Variants in TMPRSS6 observed in about 807,000 individuals in gnomAD.
The protein encoded by TMPRSS6 is transmembrane protease serine 6.
A neutral mutation model predicts 101.5 loss-of-function variants in TMPRSS6; 67 were observed. That is an observed-to-expected ratio of 0.66 (90% CI 0.54 to 0.81). The LOEUF (loss-of-function observed/expected upper bound fraction) is 0.81. Among genes scored for constraint, TMPRSS6 ranks in the 30% least tolerant of loss-of-function variants. The pLI is 0.00. For missense variants in TMPRSS6, 1,034 were observed against 1,088.7 expected, an observed-to-expected ratio of 0.95 and a Z score of 0.71; for synonymous variants, 453 against 464.9, an observed-to-expected ratio of 0.97 and a Z score of 0.33.
intron 6 of TMPRSS6, among the ~76,000 whole-genome samples, chr22:37,094,019 T>TTATATATA (rs56784584): frequency 2.7e-5 from 4 of 149,872 alleles, no homozygotes; most frequent in African/African-American, 9.8e-5. Context: ...TGAGACTCTG[T>TTATATATA]TATATATATA....
chr22:37,066,055 C>T lies in TMPRSS6; in HGVS notation c.*25G>A, dbSNP rs1926246175. On this transcript the variant is annotated 3_prime_UTR_variant, in exon 18 of 18. Transcript: ENST00000676104. ...GGGCTCTCTGAGTCCAGGAGGTGGG[C>T]CCTGCTTTGCAGGGGGGCAGTTCCT... The T allele has an allele frequency of 6.2e-7, 1 of 1,613,188 alleles. No individual in the cohort carries two copies. Among genetic ancestry groups the T allele is most frequent in the Non-Finnish European group, 8.5e-7 (1 of 1,179,934 alleles).
chr22:37,095,525 G>T, intron 6 of TMPRSS6, 26 bp downstream of exon 6: 1 of 1,611,710 alleles, frequency 6.2e-7, no homozygotes, highest in Non-Finnish European at 8.5e-7. Flanking sequence ...AAAGGAAAAT[G>T]GGGAGGGGAA....
intron 2 of TMPRSS6, among the ~76,000 whole-genome samples, chr22:37,098,924 C>T (rs147649994): frequency 1.4e-4 from 22 of 152,326 alleles, no homozygotes; most frequent in African/African-American, 5.1e-4. Flanking sequence ...TCCTTCCACT[C>T]GTGAGGTCAC....
chr22:37,069,237 T>C lies in TMPRSS6; in HGVS notation c.1949A>G (p.Tyr650Cys). Reference sequence around the variant, plus strand: ...GTAGTCATGGCTGTCCTCTTCGTGGTACGGGTGCAGGAGCAGGCGGCTCAC... The same window carrying C: ...GTAGTCATGGCTGTCCTCTTCGTGGCACGGGTGCAGGAGCAGGCGGCTCAC... ...FKVSRLLLHP[Y>C]HEEDSHDYDV... The change falls in exon 16 of 18, where the codon TAC becomes TGC. Residue 650 changes from tyrosine (Y) to cysteine (C), a missense_variant. Transcript: ENST00000676104. This position sits in a 1 kb window ranked among gnomAD's most constrained non-coding sequence, Gnocchi z 4.8. The C allele has an allele frequency of 6.2e-7, 1 of 1,610,908 alleles. No individual in the cohort carries two copies. Among genetic ancestry groups the C allele is most frequent in the Non-Finnish European group, 8.5e-7 (1 of 1,179,290 alleles).
At chr22:37,094,568 G>GATAGATAC (rs1209132113) in intron 6 of TMPRSS6, among the ~76,000 whole-genome samples, 1 of 151,872 alleles carries the variant, frequency 6.6e-6, no homozygotes, top group East Asian at 1.9e-4. Context: ...TAGATAGATA[G>GATAGATAC]ACAAATAGAT....
In TMPRSS6 at chr22:37,084,378, G is replaced by A; in HGVS notation, c.1113C>T (p.Ala371=). 1 of 1,612,872 alleles carries A rather than the reference G, an allele frequency of 6.2e-7. No homozygotes were observed. Among genetic ancestry groups the A allele is most frequent in the Non-Finnish European group, 8.5e-7 (1 of 1,179,440 alleles). The stretch of plus-strand genomic sequence containing the variant: ...TCAGTGCATAGGCATCAAACCAGAG[G>A]GCCAAGCCGTAGTCCAGAGAGGGCA... The part of the protein sequence containing the change: ...LTVPSLDYGL[A]LWFDAYALRR... Residue 371 remains alanine (A), a synonymous_variant, in exon 10 of 18, where the codon GCC becomes GCT. Transcript: ENST00000676104.
chr22:37,070,822 C>A, intron 14 of TMPRSS6, 94 bp downstream of exon 14: 1 of 1,388,852 alleles, frequency 7.2e-7, no homozygotes, highest in South Asian at 1.2e-5. Context: ...TAGAGAGAGA[C>A]CAGGGGACAA....
rs530099528 is a variant in TMPRSS6, at chr22:37,067,467, CAAAAAAACA to C, written c.2114-514_2114-506del. ...GGGCAACAAGAGCGAAACTCTGTCT[CAAAAAAACA>C]AAAAAAAGAAAAAAGAAAAAAGCCC... is the stretch of plus-strand genomic sequence containing the variant. On this transcript the variant is annotated intron_variant, in intron 16 of 17. Transcript: ENST00000676104. 8.8e-3 allele frequency among the ~76,000 whole-genome samples: 1,338 copies of C among 151,500 alleles called. 15 individuals carry two copies. The highest frequency in any genetic ancestry group is 0.031 in the African/African-American group (1,263 of 41,294).
rs375396615 is a variant in TMPRSS6, at chr22:37,070,937, C to A, written c.1651G>T (p.Gly551Cys). The change falls in exon 14 of 18, where the codon GGC becomes TGC. Residue 551 changes from glycine (G) to cysteine (C), a missense_variant. Coordinates refer to ENST00000676104, the MANE Select transcript of TMPRSS6 (RefSeq NM_001374504.1). ...QCDGRPDCRD[G>C]SDEEHCDCGL... ...TCACCACAGTGCTCCTCATCCGAGCCGTCCCTGCAGTCGGGCCGCCCATCA... is the reference window on the plus strand; with the variant it reads ...TCACCACAGTGCTCCTCATCCGAGCAGTCCCTGCAGTCGGGCCGCCCATCA... The A allele has an allele frequency of 6.2e-7, 1 of 1,613,260 alleles. No homozygotes were observed. The highest frequency in any genetic ancestry group is 1.1e-5 in the South Asian group (1 of 91,078).
rs142505504 is a variant in TMPRSS6 at position 37,098,835 on chromosome 22, C to G, written c.203-286G>C. ...GGGAGAGGCTGACACAGTGACCAGT[C>G]CAGGACACCAATGACATGAAGGCCA... On this transcript the variant is annotated intron_variant, in intron 2 of 17. Transcript: ENST00000676104. Among the ~76,000 whole-genome samples, 126 of 152,244 alleles carry G rather than the reference C, an allele frequency of 8.3e-4. 1 individual carries two copies. Among genetic ancestry groups the G allele is most frequent in the Middle Eastern group, 6.8e-3 (2 of 294 alleles).
chr22:37,083,862 C>T (rs1204991870), intron 10 of TMPRSS6: 1 of 395,788 alleles, frequency 2.5e-6, no homozygotes, highest in Non-Finnish European at 4.5e-6. Flanking sequence ...GGCTGTGCAG[C>T]AGGGGTTCGT....
At chr22:37,096,162 G>T in intron 4 of TMPRSS6, 72 bp from the exon 5 acceptor site, 1 of 1,527,778 alleles carries the variant, frequency 6.5e-7, no homozygotes, top group Non-Finnish European at 9.0e-7. Flanking sequence ...CCCTGCTCAT[G>T]CACATCGAGC....
intron 1 of TMPRSS6, among the ~76,000 whole-genome samples, chr22:37,108,791 GGCAGA>G (rs1282319175): frequency 2.0e-5 from 3 of 152,118 alleles, no homozygotes; most frequent in Non-Finnish European, 2.9e-5. Flanking sequence ...CCTCAGCCAG[GGCAGA>G]GCAGAGCAGA....
At chr22:37,072,432 G>C (rs28972581) in intron 13 of TMPRSS6, among the ~76,000 whole-genome samples, 2 of 145,550 alleles carry the variant, frequency 1.4e-5, no homozygotes, top group East Asian at 2.2e-4. Context: ...TTGATGGATT[G>C]ATGGATGATG....
At chr22:37,072,499 G>A (rs1339182063) in intron 13 of TMPRSS6, among the ~76,000 whole-genome samples, 1 of 147,510 alleles carries the variant, frequency 6.8e-6, no homozygotes, top group Non-Finnish European at 1.5e-5. Context: ...GATGATGGAT[G>A]GATAGACGAT....
At chr22:37,098,585 AG>A in intron 2 of TMPRSS6, 36 bp from the exon 3 acceptor site, 1 of 1,613,998 alleles carries the variant, frequency 6.2e-7, no homozygotes, top group Non-Finnish European at 8.5e-7. Context: ...TAGTGGAGGA[AG>A]CAGGTGGGAA....
rs150521260 is a variant in TMPRSS6, at chr22:37,103,235, C to T, written c.183G>A (p.Val61=). Residue 61 remains valine (V), a synonymous_variant, in exon 2 of 18, where the codon GTG becomes GTA. Coordinates refer to ENST00000676104, the MANE Select transcript of TMPRSS6 (RefSeq NM_001374504.1). This position sits in a 1 kb window ranked among gnomAD's most constrained non-coding sequence, Gnocchi z 4.4. ...CGTTACCTAGGAAATACCAGAGTAGCACCCCCGCCGAAGCCAGCACGAGCA... is the reference window on the plus strand; with the variant it reads ...CGTTACCTAGGAAATACCAGAGTAGTACCCCCGCCGAAGCCAGCACGAGCA... ...LALLVLASAG[V]LLWYFLGYKA... 1,644 of 1,614,016 alleles carry T rather than the reference C, an allele frequency of 1.0e-3. 2 individuals carry two copies. Among genetic ancestry groups the T allele is most frequent in the Admixed American group, 1.2e-3 (75 of 60,028 alleles).
chr22:37,072,656 T>A (rs1165623225), intron 13 of TMPRSS6, among the ~76,000 whole-genome samples: 1 of 133,596 alleles, frequency 7.5e-6, no homozygotes, highest in African/African-American at 3.0e-5. Context: ...GGATGATGGA[T>A]GGATGGATGA....
chr22:37,075,132 C>CA lies in TMPRSS6; in HGVS notation c.1342+2dup. On this transcript the variant is annotated splice_region_variant and intron_variant, in intron 11 of 17. Coordinates refer to ENST00000676104, the MANE Select transcript of TMPRSS6 (RefSeq NM_001374504.1). ...GGGGGTTCCCCCGGCTGCCCATACTCACGGTCCGACTGGTTGTACAAGCCA... is the reference window on the plus strand; with the variant it reads ...GGGGGTTCCCCCGGCTGCCCATACTCAACGGTCCGACTGGTTGTACAAGCCA... 1 of 1,613,748 alleles carries CA rather than the reference C, an allele frequency of 6.2e-7. No homozygotes were observed.
Sources: gnomAD v4.1 joint callset for allele counts (sites outside exome capture counted in the v4.1 genomes callset) on GRCh38, gnomAD v4.1.1 for gene constraint, Gnocchi (gnomAD v3.1) non-coding constraint, MANE v1.5 for transcripts, NCBI Gene and HGNC (gene_info 2026-07-23, HGNC 2026-07-21) for gene names.